RSPO2: variants seen among roughly 807,000 people sequenced by gnomAD.
RSPO2 encodes the protein R-spondin-2.
In RSPO2, 14 loss-of-function variants were observed where a neutral mutation model predicts 30.9. The observed-to-expected ratio is 0.45, with a 90% CI of 0.30 to 0.71. The LOEUF (loss-of-function observed/expected upper bound fraction) is 0.71, where lower values mean the gene tolerates loss of function less well. Among genes scored for constraint, RSPO2 ranks in the 30% least tolerant of loss-of-function variants. The probability of loss-of-function intolerance (pLI) is 0.08; values close to 1 mark genes in which losing one functional copy is unlikely to be tolerated. For synonymous variants in RSPO2, 107 were observed against 96.4 expected, an observed-to-expected ratio of 1.11 and a Z score of -0.64; for missense variants, 264 against 301.9, an observed-to-expected ratio of 0.87 and a Z score of 0.93.
chr8:107,952,566 T>G (rs546402434), intron 5 of RSPO2, among the ~76,000 whole-genome samples: 7 of 152,316 alleles, frequency 4.6e-5, no homozygotes, highest in Admixed American at 2.6e-4. Flanking sequence ...CAAACTACTC[T>G]TTAGGGTGAC....
At chr8:108,036,615 A>T (rs1811606283) in intron 2 of RSPO2, among the ~76,000 whole-genome samples, 1 of 152,220 alleles carries the variant, frequency 6.6e-6, no homozygotes, top group South Asian at 2.1e-4. Flanking sequence ...ACCACGTGTT[A>T]CAAAAATATC....
chr8:108,003,030 C>T (rs1320629521), intron 2 of RSPO2, among the ~76,000 whole-genome samples: 2 of 149,562 alleles, frequency 1.3e-5, no homozygotes, highest in African/African-American at 4.9e-5. Flanking sequence ...TCCAGACTTG[C>T]ACAGAATTTA....
chr8:107,916,223 T>C (rs1305681046), intron 5 of RSPO2, among the ~76,000 whole-genome samples: 1 of 152,192 alleles, frequency 6.6e-6, no homozygotes, highest in Non-Finnish European at 1.5e-5. Flanking sequence ...ATTAAGGTCA[T>C]ATATCACATT....
At chr8:107,927,791 C>T (rs1471161525) in intron 5 of RSPO2, among the ~76,000 whole-genome samples, 2 of 151,562 alleles carry the variant, frequency 1.3e-5, no homozygotes, top group East Asian at 2.0e-4. Flanking sequence ...CTGCTGGATT[C>T]GGTTTTCCAG....
chr8:108,060,186 AT>A (rs1812406231), intron 2 of RSPO2, among the ~76,000 whole-genome samples: 1 of 151,788 alleles, frequency 6.6e-6, no homozygotes, highest in South Asian at 2.1e-4. Context: ...TGGATGGAGA[AT>A]GACTTTGACT....
At chr8:107,908,547 T>G (rs566699856) in intron 5 of RSPO2, among the ~76,000 whole-genome samples, 8 of 152,292 alleles carry the variant, frequency 5.3e-5, no homozygotes, top group African/African-American at 1.9e-4. Flanking sequence ...ACTTTTACAG[T>G]AAGAGTACTG....
intron 2 of RSPO2, among the ~76,000 whole-genome samples, chr8:108,001,317 G>T (rs1455659864): frequency 6.6e-6 from 1 of 152,126 alleles, no homozygotes; most frequent in Non-Finnish European, 1.5e-5. Context: ...AATTAAAATC[G>T]TGAGACCTCA....
intron 2 of RSPO2, 70 bp downstream of exon 2, chr8:108,082,475 G>A: frequency 1.6e-6 from 2 of 1,214,812 alleles, no homozygotes; most frequent in Non-Finnish European, 2.4e-6. Flanking sequence ...CCCGGAGCCA[G>A]GGCGTGAGTG....
intron 3 of RSPO2, among the ~76,000 whole-genome samples, chr8:107,982,342 A>G (rs528008158): frequency 6.6e-6 from 1 of 152,330 alleles, no homozygotes; most frequent in Non-Finnish European, 1.5e-5. Flanking sequence ...TACATGACAA[A>G]AAAGAATCCT....
intron 2 of RSPO2, among the ~76,000 whole-genome samples, chr8:108,018,680 T>C (rs1563566046): frequency 6.6e-6 from 1 of 152,194 alleles, no homozygotes; most frequent in Non-Finnish European, 1.5e-5. Flanking sequence ...AGGAGGCACA[T>C]GATAGAAAAT....
intron 2 of RSPO2, among the ~76,000 whole-genome samples, chr8:108,052,732 C>T (rs1272647046): frequency 1.3e-5 from 2 of 152,044 alleles, no homozygotes; most frequent in Non-Finnish European, 2.9e-5. Flanking sequence ...ACTATTATTC[C>T]CATTTTAAAA....
At chr8:107,918,145 G>A (rs527554427) in intron 5 of RSPO2, among the ~76,000 whole-genome samples, 2 of 152,198 alleles carry the variant, frequency 1.3e-5, no homozygotes, top group African/African-American at 4.8e-5. Flanking sequence ...TGCTTAAAAC[G>A]TTGTTGATCC....
intron 2 of RSPO2, among the ~76,000 whole-genome samples, chr8:108,053,295 C>T (rs1211429876): frequency 6.6e-6 from 1 of 152,134 alleles, no homozygotes; most frequent in Admixed American, 6.6e-5. Flanking sequence ...GGCCTGTCTT[C>T]CTCCATACCT....
At chr8:107,951,630 C>T (rs1371676858) in intron 5 of RSPO2, among the ~76,000 whole-genome samples, 3 of 152,074 alleles carry the variant, frequency 2.0e-5, no homozygotes, top group African/African-American at 7.2e-5. Flanking sequence ...GAGACTAGTA[C>T]GTGCTGCCCC....
chr8:107,999,967 A>G (rs1815177303), intron 2 of RSPO2, among the ~76,000 whole-genome samples: 4 of 152,194 alleles, frequency 2.6e-5, no homozygotes, highest in Admixed American at 1.3e-4. Context: ...GTCACTGGAA[A>G]AATATATGTA....
At chr8:108,025,487 T>A (rs1811189572) in intron 2 of RSPO2, among the ~76,000 whole-genome samples, 1 of 152,186 alleles carries the variant, frequency 6.6e-6, no homozygotes, top group Non-Finnish European at 1.5e-5. Flanking sequence ...GAATCTATAC[T>A]GCTATAAATA....
chr8:107,992,544 C>T (rs952313997), intron 2 of RSPO2, among the ~76,000 whole-genome samples: 1 of 152,118 alleles, frequency 6.6e-6, no homozygotes, highest in African/African-American at 2.4e-5. Context: ...CACTTGTACC[C>T]GTGAACTTAA....
chr8:108,056,182 T>C (rs762922717), intron 2 of RSPO2, among the ~76,000 whole-genome samples: 10 of 152,206 alleles, frequency 6.6e-5, no homozygotes, highest in Non-Finnish European at 1.3e-4. Context: ...ATTTGTATTA[T>C]TGGACATTTA....
chr8:107,941,550 TTTAC>T (rs1812897575), intron 5 of RSPO2, among the ~76,000 whole-genome samples: 1 of 152,228 alleles, frequency 6.6e-6, no homozygotes, highest in Admixed American at 6.5e-5. Context: ...CGGCTAGATA[TTTAC>T]TTAAACATAA....
Sources: gnomAD v4.1 joint callset for allele counts (sites outside exome capture counted in the v4.1 genomes callset) on GRCh38, gnomAD v4.1.1 for gene constraint, MANE v1.5 for transcripts, NCBI Gene and HGNC (gene_info 2026-07-23, HGNC 2026-07-21) for gene names.